ARHGAP24: variants seen among roughly 807,000 people sequenced by gnomAD.
ARHGAP24 encodes rho GTPase-activating protein 24.
In ARHGAP24, 50 loss-of-function variants were observed where a neutral mutation model predicts 76.4. The observed-to-expected ratio is 0.65, with a 90% CI of 0.52 to 0.83. ARHGAP24 has a LOEUF of 0.83. Ranked by LOEUF, ARHGAP24 falls within the 40% of genes least tolerant of loss-of-function variation. The pLI is 0.00. For synonymous variants in ARHGAP24, 345 were observed against 323.3 expected, an observed-to-expected ratio of 1.07 and a Z score of -0.72; for missense variants, 930 against 914.2, an observed-to-expected ratio of 1.02 and a Z score of -0.22.
intron 4 of ARHGAP24, chr4:85,924,676 A>G (rs1735919540): frequency 6.6e-6 from 1 of 151,568 alleles, no homozygotes; most frequent in Non-Finnish European, 1.5e-5. Context: ...CAGATCGGAC[A>G]CTTCTTAGGC....
chr4:85,863,032 G>A (rs1393091134), intron 3 of ARHGAP24, among the ~76,000 whole-genome samples: 3 of 152,048 alleles, frequency 2.0e-5, no homozygotes, highest in Admixed American at 6.6e-5. Flanking sequence ...CCCCTGCTTG[G>A]AGCTGCCTGC....
chr4:85,572,980 G>A (rs1231593742), intron 2 of ARHGAP24, among the ~76,000 whole-genome samples: 5 of 149,708 alleles, frequency 3.3e-5, no homozygotes, highest in African/African-American at 7.4e-5. Context: ...GGGTTCAAGC[G>A]ATTCTCCTGT....
At chr4:85,506,119 G>A (rs1161091744) in intron 1 of ARHGAP24, among the ~76,000 whole-genome samples, 1 of 152,038 alleles carries the variant, frequency 6.6e-6, no homozygotes, top group African/African-American at 2.4e-5. Flanking sequence ...TGGAAGCTTC[G>A]TCCAAGAGAG....
intron 3 of ARHGAP24, among the ~76,000 whole-genome samples, chr4:85,737,229 G>C (rs1725639528): frequency 6.6e-6 from 1 of 152,124 alleles, no homozygotes; most frequent in Non-Finnish European, 1.5e-5. Context: ...CAGTGCCTAT[G>C]AACTGGTGCC....
chr4:85,708,304 G>GA (rs1342678658), intron 2 of ARHGAP24, among the ~76,000 whole-genome samples: 5 of 152,094 alleles, frequency 3.3e-5, no homozygotes, highest in Non-Finnish European at 5.9e-5. Context: ...GGACTTAAAA[G>GA]AAAAATGATG....
At chr4:85,602,188 G>A (rs1720052309) in intron 2 of ARHGAP24, among the ~76,000 whole-genome samples, 1 of 152,110 alleles carries the variant, frequency 6.6e-6, no homozygotes, top group African/African-American at 2.4e-5. Flanking sequence ...AACTCTGCAT[G>A]GAACATGAAA....
intron 2 of ARHGAP24, among the ~76,000 whole-genome samples, chr4:85,599,816 TG>T (rs1719975064): frequency 6.6e-6 from 1 of 152,130 alleles, no homozygotes. Context: ...TTTTGCATAT[TG>T]TGGCCTGCAA....
rs565910850 is a variant in ARHGAP24, at chr4:85,917,409, G to A, written c.269-6239G>A. 5.8e-3 allele frequency among the ~76,000 whole-genome samples: 886 copies of A among 151,716 alleles called. 7 individuals are homozygous for A. The highest frequency in any genetic ancestry group is 0.018 in the African/African-American group (759 of 41,368). ...TGTCTTTATAGCAGCATGATTTATA[G>A]TCCTTTGGGTATATACCCAGTAATG... On this transcript the variant is annotated intron_variant, in intron 3 of 9. Coordinates refer to ENST00000395184, the MANE Select transcript of ARHGAP24 (RefSeq NM_001025616.3).
At chr4:85,868,927 A>C (rs1732361558) in intron 3 of ARHGAP24, among the ~76,000 whole-genome samples, 1 of 151,938 alleles carries the variant, frequency 6.6e-6, no homozygotes, top group Non-Finnish European at 1.5e-5. Flanking sequence ...TAATTAATTA[A>C]TTTGTATTTT....
At chr4:85,622,417 G>A (rs1334511182) in intron 2 of ARHGAP24, among the ~76,000 whole-genome samples, 2 of 151,986 alleles carry the variant, frequency 1.3e-5, no homozygotes, top group South Asian at 2.1e-4. Flanking sequence ...CCCTGCAAAG[G>A]ACATGAACTC....
chr4:85,721,796 G>A, intron 2 of ARHGAP24, 89 bp from the exon 3 acceptor site: 2 of 1,154,060 alleles, frequency 1.7e-6, no homozygotes, highest in South Asian at 1.3e-5. Context: ...CTGGGTTATA[G>A]CTACACCTTG....
chr4:86,001,161 A>G lies in ARHGAP24; in HGVS notation c.*439A>G, dbSNP rs955883815. The G allele has an allele frequency of 5.1e-6, 2 of 392,244 alleles. No individual in the cohort carries two copies. Among genetic ancestry groups the G allele is most frequent in the African/African-American group, 4.1e-5 (2 of 48,440 alleles). 24.3% of individuals were successfully genotyped at this position (392,244 alleles called of 1,614,324 possible). A position where few individuals can be genotyped will look rare whatever the true frequency, so the allele number is the denominator to read the frequency against. On this transcript the variant is annotated 3_prime_UTR_variant, in exon 10 of 10. Coordinates refer to ENST00000395184, the MANE Select transcript of ARHGAP24 (RefSeq NM_001025616.3). ...TTTATTTCCCTTTTTTGCTGAGGAA[A>G]TGAAGATAAGCAAAAATATAAATAT...
chr4:85,850,549 G>C (rs536093745), intron 3 of ARHGAP24, among the ~76,000 whole-genome samples: 16 of 152,052 alleles, frequency 1.1e-4, no homozygotes, highest in Admixed American at 1.0e-3. Flanking sequence ...TTAGGGTGTC[G>C]ATTTTAGATC....
intron 3 of ARHGAP24, among the ~76,000 whole-genome samples, chr4:85,732,993 C>T (rs1725465302): frequency 3.6e-5 from 5 of 140,052 alleles, no homozygotes; most frequent in Non-Finnish European, 6.2e-5. Context: ...CCACCGCGCC[C>T]GACCTCAAAC....
chr4:85,788,850 G>A (rs925775528), intron 3 of ARHGAP24, among the ~76,000 whole-genome samples: 4 of 152,060 alleles, frequency 2.6e-5, no homozygotes, highest in South Asian at 2.1e-4. Flanking sequence ...AGTAACACCC[G>A]TTCTAAGATA....
At chr4:85,586,759 A>C (rs1432444122) in intron 2 of ARHGAP24, among the ~76,000 whole-genome samples, 1 of 151,978 alleles carries the variant, frequency 6.6e-6, no homozygotes, top group African/African-American at 2.4e-5. Flanking sequence ...TTAGCCAGGC[A>C]TGGTGGCACG....
At chr4:85,705,349 C>T (rs1052119920) in intron 2 of ARHGAP24, among the ~76,000 whole-genome samples, 17 of 151,800 alleles carry the variant, frequency 1.1e-4, no homozygotes, top group East Asian at 9.7e-4. Context: ...ACAAAATATA[C>T]GAATATACAT....
chr4:85,906,123 C>T (rs28725223), intron 3 of ARHGAP24, among the ~76,000 whole-genome samples: 16,873 of 152,158 alleles, frequency 0.11, 985 homozygotes, highest in South Asian at 0.13. Flanking sequence ...TTTCACTCTT[C>T]TCATGGAAAA....
chr4:85,723,407 A>T (rs888605096), intron 3 of ARHGAP24: 1 of 152,232 alleles, frequency 6.6e-6, no homozygotes, highest in East Asian at 1.9e-4. Flanking sequence ...CAAGACCAGG[A>T]AGTAACAGAT....
Sources: allele counts gnomAD v4.1 joint callset (sites outside exome capture counted in the v4.1 genomes callset), GRCh38; gene constraint gnomAD v4.1.1; transcripts MANE v1.5; gene names NCBI Gene and HGNC (gene_info 2026-07-23, HGNC 2026-07-21).